Variants in NBPF11 observed in about 807,000 individuals in gnomAD.
The protein encoded by NBPF11 is NBPF member 11, also known as NBPF family member NBPF11.
Under a neutral mutation model 93.9 loss-of-function variants are expected in NBPF11, and 72 were observed. That is an observed-to-expected ratio of 0.77 (90% CI 0.63 to 0.93). The LOEUF (loss-of-function observed/expected upper bound fraction) is 0.93, where lower values mean the gene tolerates loss of function less well. NBPF11 is among the 40% of genes least tolerant of loss of function. NBPF11 has a pLI of 0.00. For missense variants in NBPF11, 705 were observed against 802.2 expected, an observed-to-expected ratio of 0.88 and a Z score of 1.46; for synonymous variants, 224 against 304.9, an observed-to-expected ratio of 0.73 and a Z score of 2.76.
chr1:148,145,201 C>CTTTTTTTTT (rs1190949525), intron 1 of NBPF11, among the ~76,000 whole-genome samples: 7 of 75,598 alleles, frequency 9.3e-5, no homozygotes, highest in African/African-American at 2.3e-4. Flanking sequence ...TTTTTTCTTT[C>CTTTTTTTTT]TTTTTTTTTT....
intron 1 of NBPF11, chr1:148,146,395 A>G (rs1401800575): frequency 1.3e-6 from 2 of 1,595,986 alleles, no homozygotes; most frequent in Non-Finnish European, 1.7e-6. Context: ...GGCGCCCGCC[A>G]TGAACGGGCT....
intron 6 of NBPF11, among the ~76,000 whole-genome samples, chr1:148,124,454 T>G (rs1553272385): frequency 9.5e-5 from 14 of 147,108 alleles, no homozygotes; most frequent in Non-Finnish European, 1.2e-4. Flanking sequence ...TGAGGCCAGG[T>G]GCAGATGGGG....
intron 4 of NBPF11, chr1:148,129,398 A>G (rs1272931589): frequency 6.6e-6 from 1 of 151,036 alleles, no homozygotes; most frequent in Admixed American, 6.6e-5. Context: ...CAGCACCTGC[A>G]TCGAGCTCTC....
rs1161025349 is a variant in NBPF11 at position 148,146,279 on chromosome 1, G to A, written c.-548-2593C>T. 2.1e-5 allele frequency: 27 copies of A among 1,298,546 alleles called. No homozygotes were observed. The Admixed American group carries it at 3.2e-4, about 15-fold the overall frequency. The allele number at this position is 1,298,546 out of a possible 1,614,324, so 80.4% of individuals were successfully genotyped here. A position where few individuals can be genotyped will look rare whatever the true frequency, so the allele number is the denominator to read the frequency against. Reference sequence around the variant, plus strand: ...CTGCTGTCTGGGGCGGTAGCTGGGGGGGCGCTCTCCCCCCTGCCCGCGACT... The same window carrying A: ...CTGCTGTCTGGGGCGGTAGCTGGGGAGGCGCTCTCCCCCCTGCCCGCGACT... On this transcript the variant is annotated intron_variant, in intron 1 of 23. Coordinates refer to ENST00000682118, the MANE Select transcript of NBPF11 (RefSeq NM_001385469.3).
At chr1:148,136,422 G>A (rs1468090060) in intron 3 of NBPF11, among the ~76,000 whole-genome samples, 4 of 151,416 alleles carry the variant, frequency 2.6e-5, no homozygotes, top group African/African-American at 9.8e-5. Context: ...TCATTCCATG[G>A]AATGGCTAAA....
At chr1:148,139,443 A>T (rs1671853907) in intron 2 of NBPF11, among the ~76,000 whole-genome samples, 1 of 149,256 alleles carries the variant, frequency 6.7e-6, no homozygotes, top group African/African-American at 2.5e-5. Context: ...AGACCCAGTC[A>T]TGGGGACCAG....
At chr1:148,138,544 G>C (rs1307839562) in intron 2 of NBPF11, among the ~76,000 whole-genome samples, 1 of 151,792 alleles carries the variant, frequency 6.6e-6, no homozygotes, top group African/African-American at 2.4e-5. Flanking sequence ...CTTGAGATTA[G>C]GGAGTGGTGA....
Position 148,118,528 on chromosome 1 carries a change from C to T in NBPF11, c.1091+92G>A, listed in dbSNP as rs1385019152. On this transcript the variant is annotated intron_variant, in intron 11 of 23. Transcript: ENST00000682118. ...ATGGCAATTCCTGCCCTTCCCCTGG[C>T]CCAGCTTAGCTCTTACGTCTCCCCA... 1.6e-5 allele frequency: 18 copies of T among 1,112,480 alleles called. No homozygotes were observed. The Admixed American group carries it at 2.7e-4, about 17-fold the overall frequency. The allele number at this position is 1,112,480 out of a possible 1,614,324, so 68.9% of individuals were successfully genotyped here. A position where few individuals can be genotyped will look rare whatever the true frequency, so the allele number is the denominator to read the frequency against.
chr1:148,143,312 C>T, intron 2 of NBPF11, 103 bp downstream of exon 2: 1 of 627,118 alleles, frequency 1.6e-6, no homozygotes, highest in Non-Finnish European at 2.1e-6. Flanking sequence ...CAGGCAAGGC[C>T]CTGTGATGTT....
chr1:148,103,842 T>A lies in NBPF11; in HGVS notation c.*54A>T, dbSNP rs2149157192. 6 of 1,610,992 alleles carry A rather than the reference T, an allele frequency of 3.7e-6. No individual in the cohort carries two copies. In the Admixed American group the frequency reaches 1.0e-4, roughly 27 times the overall value. ...GGTAGTTCAAAGTACATTGATGGAG[T>A]CGAATAATATCTATCCAGTGAGTCC... is the stretch of plus-strand genomic sequence containing the variant. On this transcript the variant is annotated 3_prime_UTR_variant, in exon 24 of 24. Coordinates refer to ENST00000682118, the MANE Select transcript of NBPF11 (RefSeq NM_001385469.3).
At chr1:148,148,456 C>G (rs1220693739) in intron 1 of NBPF11, among the ~76,000 whole-genome samples, 3 of 152,152 alleles carry the variant, frequency 2.0e-5, no homozygotes, top group African/African-American at 7.2e-5. Context: ...GGGTCAGGGG[C>G]CGCACACCAA....
intron 1 of NBPF11, chr1:148,149,386 C>A (rs1379739135): frequency 6.3e-7 from 1 of 1,592,356 alleles, no homozygotes; most frequent in Non-Finnish European, 8.5e-7. Flanking sequence ...TCATCATCCA[C>A]GGCAGGGAGG....
Position 148,126,949 on chromosome 1 carries a change from C to G in NBPF11, c.55G>C (p.Glu19Gln). Residue 19 changes from glutamate (E) to glutamine (Q), a missense_variant, in exon 5 of 24, where the codon GAA (glutamate) becomes CAA (glutamine). Glu to Gln is a conservative substitution (Grantham distance 29). Transcript: ENST00000682118. ...TGGGGGCGCAATTTCTCGTTGATTTCTAGAATGTTCATCTCTGCCTTCTCG... is the reference window on the plus strand; with the variant it reads ...TGGGGGCGCAATTTCTCGTTGATTTGTAGAATGTTCATCTCTGCCTTCTCG... ...SSEKAEMNIL[E>Q]INEKLRPQLA... 1 of 914,728 alleles carries G rather than the reference C, an allele frequency of 1.1e-6. No individual in the cohort carries two copies. The highest frequency in any genetic ancestry group is 1.7e-6 in the Non-Finnish European group (1 of 574,866). The allele number at this position is 914,728 out of a possible 1,614,324, so 56.7% of individuals were successfully genotyped here. A position where few individuals can be genotyped will look rare whatever the true frequency, so the allele number is the denominator to read the frequency against.
intron 1 of NBPF11, among the ~76,000 whole-genome samples, chr1:148,150,578 C>T (rs1648034342): frequency 6.6e-6 from 1 of 151,754 alleles, no homozygotes; most frequent in Non-Finnish European, 1.5e-5. Flanking sequence ...AAAAAGAAAG[C>T]TATTAATGCA....
chr1:148,120,271 A>C (rs1667519587), intron 10 of NBPF11, among the ~76,000 whole-genome samples: 2 of 152,236 alleles, frequency 1.3e-5, no homozygotes, highest in East Asian at 1.9e-4. Context: ...AAATCAATAA[A>C]TGGCAGTTTA....
chr1:148,116,622 A>C, intron 12 of NBPF11, 87 bp from the exon 13 acceptor site: 4 of 610,442 alleles, frequency 6.6e-6, no homozygotes, highest in Non-Finnish European at 1.2e-5. Flanking sequence ...GGACATGAAC[A>C]TCTAGGCATG....
At chr1:148,111,660 C>A (rs1665304709) in intron 15 of NBPF11, among the ~76,000 whole-genome samples, 1 of 151,218 alleles carries the variant, frequency 6.6e-6, no homozygotes, top group South Asian at 2.1e-4. Context: ...ATCAGTGATT[C>A]AAGATCAAAT....
intron 2 of NBPF11, among the ~76,000 whole-genome samples, chr1:148,138,114 T>TGGCTTTCCTAGGCAGAGGTCC (rs1671632360): frequency 3.3e-5 from 5 of 150,206 alleles, no homozygotes; most frequent in African/African-American, 9.9e-5. Flanking sequence ...TGTCTCTGCA[T>TGGCTTTCCTAGGCAGAGGTCC]CATAAACAAG....
chr1:148,149,153 G>A (rs1647560697), intron 1 of NBPF11: 6 of 1,587,320 alleles, frequency 3.8e-6, no homozygotes, highest in South Asian at 2.2e-5. Context: ...CTGCTCCGGC[G>A]CCGCCAGGTA....
Sources: allele counts gnomAD v4.1 joint callset (sites outside exome capture counted in the v4.1 genomes callset), GRCh38; gene constraint gnomAD v4.1.1; transcripts MANE v1.5; gene names NCBI Gene and HGNC (gene_info 2026-07-23, HGNC 2026-07-21).